Variants in DDC observed in about 807,000 individuals in gnomAD.
DDC encodes aromatic-L-amino-acid decarboxylase.
In DDC, 43 loss-of-function variants were observed where a neutral mutation model predicts 60.0. That is an observed-to-expected ratio of 0.72 (90% CI 0.56 to 0.92). The LOEUF (loss-of-function observed/expected upper bound fraction) is 0.92. Ranked by LOEUF, DDC falls within the 40% of genes least tolerant of loss-of-function variation. The probability of loss-of-function intolerance (pLI) is 0.00; values close to 1 mark genes in which losing one functional copy is unlikely to be tolerated. For synonymous variants in DDC, 232 were observed against 234.6 expected (o/e 0.99, Z 0.10); for missense variants, 573 against 620.2 (o/e 0.92, Z 0.81).
Position 50,540,295 on chromosome 7 carries a change from A to G in DDC, c.202-267T>C, listed in dbSNP as rs200179830. The G allele has an allele frequency of 3.3e-5, 15 of 450,306 alleles. No homozygotes were observed. In the East Asian group the frequency reaches 5.5e-4, roughly 16 times the overall value. The allele number at this position is 450,306 out of a possible 1,614,324, so 27.9% of individuals were successfully genotyped here. The stretch of plus-strand genomic sequence containing the variant: ...TTGCTAGCTCAGAAGGAAAAGTTCT[A>G]TCTCCAAAATAAAGTGGAAAATCCT... On this transcript the variant is annotated intron_variant, in intron 2 of 14. Transcript: ENST00000444124.
intron 6 of DDC, among the ~76,000 whole-genome samples, chr7:50,523,240 A>C (rs971459169): frequency 7.2e-5 from 11 of 152,240 alleles, no homozygotes; most frequent in African/African-American, 2.7e-4. Context: ...TATAGGAGAA[A>C]ACCTAGATGA....
At position 50,543,878 on chromosome 7, in the gene DDC, CACTT is replaced by C. The variant is rs1563044233; in HGVS notation, c.201+3_201+6del. 2 of 1,613,652 alleles carry C rather than the reference CACTT, an allele frequency of 1.2e-6. No homozygotes were observed. On this transcript the variant is annotated splice_donor_5th_base_variant and intron_variant, in intron 2 of 14. Transcript: ENST00000444124. ...CTCCTGTTTTCTGACCTTGGATACACACTTACCCCAGGCATGATTATCTTCTCAA... is the reference window on the plus strand; with the variant it reads ...CTCCTGTTTTCTGACCTTGGATACACACCCCAGGCATGATTATCTTCTCAA...
chr7:50,480,750 C>T (rs1216368745), intron 9 of DDC, among the ~76,000 whole-genome samples: 2 of 152,188 alleles, frequency 1.3e-5, no homozygotes, highest in Non-Finnish European at 2.9e-5. Flanking sequence ...AGGGACAGCA[C>T]AGTGACTGGC....
intron 3 of DDC, 160 bp downstream of exon 3, chr7:50,539,755 T>G: frequency 6.2e-6 from 4 of 646,020 alleles, no homozygotes; most frequent in Non-Finnish European, 1.1e-5. Context: ...TCAGAGGCAC[T>G]CTCTCTGGGC....
At chr7:50,461,970 C>CTA (rs1319333844) in intron 14 of DDC, among the ~76,000 whole-genome samples, 1 of 152,186 alleles carries the variant, frequency 6.6e-6, no homozygotes, top group Non-Finnish European at 1.5e-5. Context: ...ATGGACAGGT[C>CTA]TATCACATAT....
intron 11 of DDC, among the ~76,000 whole-genome samples, chr7:50,474,784 G>C (rs17133842): frequency 0.027 from 4,123 of 152,322 alleles, 94 homozygotes; most frequent in African/African-American, 0.059. Context: ...ATGTGAACCA[G>C]AGATGGTGTT....
Position 50,552,807 on chromosome 7 carries a change from C to T in DDC, c.-28-8694G>A, listed in dbSNP as rs567916604. On this transcript the variant is annotated intron_variant, in intron 1 of 14. Transcript: ENST00000444124. ...GTAATATACCCTATTGGACTCTACT[C>T]TCTACCTTTGAGACAATTCAAATCA... is the stretch of plus-strand genomic sequence containing the variant. Among the ~76,000 whole-genome samples the T allele has an allele frequency of 2.0e-5, 3 of 152,326 alleles. No homozygotes were observed. The East Asian group carries it at 5.8e-4, about 29-fold the overall frequency.
At chr7:50,541,053 A>G (rs558392218) in intron 2 of DDC, among the ~76,000 whole-genome samples, 12 of 152,202 alleles carry the variant, frequency 7.9e-5, no homozygotes, top group Non-Finnish European at 1.2e-4. Flanking sequence ...AGCCCTCAGG[A>G]CAACCCTCAG....
intron 10 of DDC, among the ~76,000 whole-genome samples, chr7:50,479,020 A>T (rs2042709581): frequency 6.6e-6 from 1 of 152,184 alleles, no homozygotes; most frequent in East Asian, 1.9e-4. Flanking sequence ...TTGTGACAGA[A>T]TTTTCAGTTA....
chr7:50,481,443 T>C (rs2153536544), intron 9 of DDC, among the ~76,000 whole-genome samples: 1 of 152,292 alleles, frequency 6.6e-6, no homozygotes, highest in Middle Eastern at 3.4e-3. Context: ...CCAAGAGGGA[T>C]GTGAATATTT....
At chr7:50,512,842 C>G (rs2043618252) in intron 6 of DDC, among the ~76,000 whole-genome samples, 1 of 152,142 alleles carries the variant, frequency 6.6e-6, no homozygotes, top group Admixed American at 6.5e-5. Flanking sequence ...AGTGTGAAGA[C>G]TTGGATATTC....
intron 10 of DDC, among the ~76,000 whole-genome samples, chr7:50,478,822 A>G (rs1268550537): frequency 6.6e-6 from 1 of 152,218 alleles, no homozygotes. Flanking sequence ...GTTAAAGCGA[A>G]CAATGCATTG....
At chr7:50,537,037 GT>G (rs10574868) in intron 4 of DDC, among the ~76,000 whole-genome samples, 30,694 of 140,024 alleles carry the variant, frequency 0.22, 3,837 homozygotes, top group African/African-American at 0.34. Context: ...CTAGGAAGTT[GT>G]TTTTTTTTTT....
At chr7:50,467,357 T>C (rs1353354575) in intron 12 of DDC, 42 bp from the exon 13 acceptor site, 1 of 1,531,932 alleles carries the variant, frequency 6.5e-7, no homozygotes. Context: ...TCATGGCCAT[T>C]TAATTCAGAA....
chr7:50,499,913 G>T (rs975036482), intron 7 of DDC, among the ~76,000 whole-genome samples: 5 of 152,166 alleles, frequency 3.3e-5, no homozygotes, highest in Admixed American at 6.5e-5. Flanking sequence ...CAGCCAAGGG[G>T]CCCTATCTAC....
intron 14 of DDC, among the ~76,000 whole-genome samples, chr7:50,462,954 G>C (rs796438577): frequency 5.6e-4 from 86 of 152,246 alleles, no homozygotes; most frequent in African/African-American, 2.0e-3. Context: ...ATTTTTAGTA[G>C]AGACAGGGTT....
In DDC at chr7:50,470,173, T is replaced by A; in HGVS notation, c.1042-2A>T. 6.2e-7 allele frequency: 1 copy of A among 1,600,940 alleles called. No individual in the cohort carries two copies. Among genetic ancestry groups the A allele is most frequent in the Non-Finnish European group, 8.6e-7 (1 of 1,168,164 alleles). Reference sequence around the variant, plus strand: ...TCTGCCCAGTGGTATCTGCCAATGCTGAAATGAAACATGAAACAGACCATC... The same window carrying A: ...TCTGCCCAGTGGTATCTGCCAATGCAGAAATGAAACATGAAACAGACCATC... On this transcript the variant is annotated splice_acceptor_variant, in intron 11 of 14. Coordinates refer to ENST00000444124, the MANE Select transcript of DDC (RefSeq NM_001082971.2). LOFTEE classifies it high-confidence loss of function.
At chr7:50,489,654 A>C (rs1261518192) in intron 9 of DDC, among the ~76,000 whole-genome samples, 2 of 152,192 alleles carry the variant, frequency 1.3e-5, no homozygotes, top group African/African-American at 4.8e-5. Flanking sequence ...CAACCCCTCT[A>C]GGCCCAGGGA....
intron 9 of DDC, among the ~76,000 whole-genome samples, chr7:50,482,960 T>C (rs535065946): frequency 1.3e-5 from 2 of 152,166 alleles, no homozygotes; most frequent in Admixed American, 6.5e-5. Flanking sequence ...ACAATGAGAG[T>C]TTTATGTCTT....
Sources: gnomAD v4.1 joint callset for allele counts (sites outside exome capture counted in the v4.1 genomes callset) on GRCh38, gnomAD v4.1.1 for gene constraint, MANE v1.5 for transcripts, NCBI Gene and HGNC (gene_info 2026-07-23, HGNC 2026-07-21) for gene names.